Variants in VSNL1 observed in about 807,000 individuals in gnomAD.
The protein encoded by VSNL1 is visinin-like protein 1.
In VSNL1, 6 loss-of-function variants were observed where a neutral mutation model predicts 20.4. The ratio of observed to expected loss-of-function variants is 0.29; its 90% CI spans 0.16 to 0.58. The LOEUF is 0.58. Among genes scored for constraint, VSNL1 ranks in the 20% least tolerant of loss-of-function variants. The pLI is 0.90. For synonymous variants in VSNL1, 93 were observed against 86.4 expected (o/e 1.08, Z -0.42); for missense variants, 100 against 234.5 (o/e 0.43, Z 3.75).
intron 2 of VSNL1, among the ~76,000 whole-genome samples, chr2:17,626,123 G>A (rs1478504844): frequency 6.6e-6 from 1 of 152,060 alleles, no homozygotes; most frequent in Non-Finnish European, 1.5e-5. Flanking sequence ...CCAGCCCCTT[G>A]GCTGATCTTC....
Position 17,655,256 on chromosome 2 carries a change from G to C in VSNL1, c.438G>C (p.Thr146=). The change falls in exon 4 of 4, where the codon ACG becomes ACC. Residue 146 remains threonine, a synonymous_variant. Transcript: ENST00000295156. The surrounding 1 kb of genome is among the most constrained non-coding windows in gnomAD (Gnocchi z 5.2). ...IMMKMNEDGL[T]PEQRVDKIFS... ...TGAAAATGAATGAGGATGGCCTGAC[G>C]CCTGAGCAGCGAGTAGACAAGATTT... is the stretch of plus-strand genomic sequence containing the variant. 6.2e-7 allele frequency: 1 copy of C among 1,614,132 alleles called. No homozygotes were observed. The highest frequency in any genetic ancestry group is 1.3e-5 in the African/African-American group (1 of 75,036).
At chr2:17,625,539 G>A (rs1232760721) in intron 2 of VSNL1, among the ~76,000 whole-genome samples, 1 of 152,136 alleles carries the variant, frequency 6.6e-6, no homozygotes, top group East Asian at 1.9e-4. Context: ...TTGGTTATCA[G>A]AACAGACTCA....
chr2:17,600,200 A>G (rs931905410), intron 2 of VSNL1, among the ~76,000 whole-genome samples: 18 of 152,194 alleles, frequency 1.2e-4, no homozygotes, highest in Non-Finnish European at 1.3e-4. Flanking sequence ...AAAGTCCTTT[A>G]TGCTTAAGGT....
chr2:17,649,710 T>TTC lies in VSNL1; in HGVS notation c.378+93_378+94dup. ...CCTAGGTGCAGGCCTTAGTGGCTTC[T>TTC]TCTCTCTCTGCTCGAGCCCTGCCAG... On this transcript the variant is annotated intron_variant, in intron 3 of 3. Coordinates refer to ENST00000295156, the MANE Select transcript of VSNL1 (RefSeq NM_003385.5). This position sits in a 1 kb window ranked among gnomAD's most constrained non-coding sequence, Gnocchi z 6.4. The TTC allele has an allele frequency of 7.7e-7, 1 of 1,305,356 alleles. No individual in the cohort carries two copies. Among genetic ancestry groups the TTC allele is most frequent in the Non-Finnish European group, 1.1e-6 (1 of 920,888 alleles). 80.9% of individuals were successfully genotyped at this position (1,305,356 alleles called of 1,614,324 possible). A position where few individuals can be genotyped will look rare whatever the true frequency, so the allele number is the denominator to read the frequency against.
intron 2 of VSNL1, among the ~76,000 whole-genome samples, chr2:17,620,020 T>C (rs1352579665): frequency 1.3e-5 from 2 of 152,122 alleles, no homozygotes; most frequent in Non-Finnish European, 2.9e-5. Context: ...TCTTTCTATA[T>C]GAACTGAGTG....
intron 2 of VSNL1, among the ~76,000 whole-genome samples, chr2:17,628,542 TGA>T (rs1665561004): frequency 6.6e-6 from 1 of 152,028 alleles, no homozygotes; most frequent in Non-Finnish European, 1.5e-5. Context: ...GAGTTGTGGG[TGA>T]GTTATTTTGT....
At chr2:17,559,548 C>T (rs754430551) in intron 1 of VSNL1, among the ~76,000 whole-genome samples, 1 of 152,082 alleles carries the variant, frequency 6.6e-6, no homozygotes, top group Non-Finnish European at 1.5e-5. Context: ...TCATCTTATT[C>T]AAATCACTTT....
At chr2:17,613,021 A>G (rs1417133078) in intron 2 of VSNL1, among the ~76,000 whole-genome samples, 1 of 152,058 alleles carries the variant, frequency 6.6e-6, no homozygotes, top group African/African-American at 2.4e-5. Context: ...TCTCCTCTTC[A>G]TTCCCTTAAC....
At chr2:17,609,221 C>T (rs1665023779) in intron 2 of VSNL1, among the ~76,000 whole-genome samples, 1 of 152,102 alleles carries the variant, frequency 6.6e-6, no homozygotes, top group Non-Finnish European at 1.5e-5. Flanking sequence ...ATGACCTTAC[C>T]TGGCTCACCA....
chr2:17,600,516 CT>C (rs1399446233), intron 2 of VSNL1, among the ~76,000 whole-genome samples: 3 of 152,210 alleles, frequency 2.0e-5, no homozygotes, highest in Non-Finnish European at 2.9e-5. Flanking sequence ...ACTACTGCCT[CT>C]TCTCAACATC....
intron 1 of VSNL1, among the ~76,000 whole-genome samples, chr2:17,565,943 T>G (rs1663929724): frequency 6.6e-6 from 1 of 152,312 alleles, no homozygotes; most frequent in African/African-American, 2.4e-5. Context: ...GCACTGATTC[T>G]TCTCTCTCCC....
chr2:17,563,217 G>A (rs1435325064), intron 1 of VSNL1, among the ~76,000 whole-genome samples: 1 of 152,184 alleles, frequency 6.6e-6, no homozygotes, highest in East Asian at 1.9e-4. Flanking sequence ...GTTACATAAT[G>A]CATTATCCTC....
intron 1 of VSNL1, among the ~76,000 whole-genome samples, chr2:17,552,549 G>A (rs528728968): frequency 1.3e-5 from 2 of 152,198 alleles, no homozygotes; most frequent in Non-Finnish European, 2.9e-5. Context: ...TCAGTATTAA[G>A]TCCACTTTGT....
chr2:17,557,788 A>T (rs906902596), intron 1 of VSNL1, among the ~76,000 whole-genome samples: 1 of 152,202 alleles, frequency 6.6e-6, no homozygotes, highest in African/African-American at 2.4e-5. Context: ...TAAATCTCCA[A>T]GGGAAGCTTA....
intron 2 of VSNL1, among the ~76,000 whole-genome samples, chr2:17,599,906 A>C (rs1664788535): frequency 6.6e-6 from 1 of 152,106 alleles, no homozygotes; most frequent in Non-Finnish European, 1.5e-5. Flanking sequence ...TCTCCAGTTT[A>C]TCTTGTGGTA....
chr2:17,623,587 G>A (rs999377923), intron 2 of VSNL1, among the ~76,000 whole-genome samples: 2 of 149,966 alleles, frequency 1.3e-5, no homozygotes, highest in African/African-American at 2.5e-5. Flanking sequence ...GGAGAATGGC[G>A]TGAACCTGGG....
intron 3 of VSNL1, among the ~76,000 whole-genome samples, chr2:17,650,459 G>A (rs1572224627): frequency 6.6e-6 from 1 of 152,232 alleles, no homozygotes. Flanking sequence ...ACCCAGCCTG[G>A]AGCCTGGCAG....
intron 1 of VSNL1, among the ~76,000 whole-genome samples, chr2:17,558,875 A>C (rs1198375591): frequency 6.6e-6 from 1 of 152,140 alleles, no homozygotes; most frequent in Non-Finnish European, 1.5e-5. Context: ...GATCAGAGTT[A>C]AATTCAGCTT....
chr2:17,544,339 A>G (rs1663360486), intron 1 of VSNL1, among the ~76,000 whole-genome samples: 1 of 152,140 alleles, frequency 6.6e-6, no homozygotes, highest in South Asian at 2.1e-4. Flanking sequence ...GATCTTGCTG[A>G]TATACCCATT....
Sources: allele counts gnomAD v4.1 joint callset (sites outside exome capture counted in the v4.1 genomes callset), GRCh38; gene constraint gnomAD v4.1.1; non-coding constraint Gnocchi (gnomAD v3.1); transcripts MANE v1.5; gene names NCBI Gene and HGNC (gene_info 2026-07-23, HGNC 2026-07-21).